The following SUGCT variants were observed in gnomAD, a reference collection of about 807,000 sequenced individuals.
The protein encoded by SUGCT is succinyl-CoA:glutarate-CoA transferase, also known as succinyl-CoA:glutarate CoA-transferase.
Under a neutral mutation model 55.0 loss-of-function variants are expected in SUGCT, and 41 were observed. The ratio of observed to expected loss-of-function variants is 0.74; its 90% CI spans 0.58 to 0.97. The LOEUF (loss-of-function observed/expected upper bound fraction) is 0.97. SUGCT is among the 50% of genes least tolerant of loss of function. SUGCT has a pLI of 0.00. For missense variants in SUGCT, 568 were observed against 547.8 expected, an observed-to-expected ratio of 1.04 and a Z score of -0.37; for synonymous variants, 187 against 200.4, an observed-to-expected ratio of 0.93 and a Z score of 0.56.
At chr7:40,996,843 C>A in the SUGCT span, among the ~76,000 whole-genome samples, 1 of 152,168 alleles carries the variant, frequency 6.6e-6, no homozygotes, top group East Asian at 1.9e-4. Context: ...CCAAACTATT[C>A]TCTGTCATTT....
At chr7:40,233,806 A>T (rs113456868) in intron 6 of SUGCT, among the ~76,000 whole-genome samples, 3,275 of 152,296 alleles carry the variant, frequency 0.022, 101 homozygotes, top group African/African-American at 0.074. Context: ...AATCCTCATA[A>T]GAAATCTATG....
At chr7:40,761,009 A>G (rs1226512397) in intron 13 of SUGCT, among the ~76,000 whole-genome samples, 1 of 152,252 alleles carries the variant, frequency 6.6e-6, no homozygotes. Context: ...CACATCATTA[A>G]TTTTTCAACC....
intron 6 of SUGCT, among the ~76,000 whole-genome samples, chr7:40,198,338 A>G (rs1489553777): frequency 1.3e-5 from 2 of 152,218 alleles, no homozygotes; most frequent in East Asian, 1.9e-4. Context: ...AGACATATCA[A>G]TAAGTAATGA....
chr7:40,736,682 T>C (rs1787180125), intron 12 of SUGCT, among the ~76,000 whole-genome samples: 1 of 151,934 alleles, frequency 6.6e-6, no homozygotes, highest in Admixed American at 6.6e-5. Flanking sequence ...AATGGAATAA[T>C]ATCATCAGTA....
rs1412975289 is a variant in SUGCT, at chr7:40,385,724, C to G, written c.817-63563C>G. Among the ~76,000 whole-genome samples the G allele has an allele frequency of 2.7e-4, 4 of 15,010 alleles. No individual in the cohort carries two copies. In the Non-Finnish European group the frequency reaches 7.8e-3, roughly 29 times the overall value. 9.8% of individuals were successfully genotyped at this position (15,010 alleles called of 152,430 possible). ...AGGTGGTACATAGATGTGTTTCATT[C>G]CTTTCCTCAAATCTGTTTTTGTACT... On this transcript the variant is annotated intron_variant, in intron 9 of 13. Coordinates refer to ENST00000335693, the MANE Select transcript of SUGCT (RefSeq NM_001193313.2).
At chr7:40,305,802 C>A (rs1030123625) in intron 8 of SUGCT, among the ~76,000 whole-genome samples, 7 of 152,068 alleles carry the variant, frequency 4.6e-5, no homozygotes, top group Non-Finnish European at 7.4e-5. Flanking sequence ...GCTAGTTCTA[C>A]AGGTGCACAC....
the SUGCT span, among the ~76,000 whole-genome samples, chr7:40,977,215 G>A: frequency 6.6e-6 from 1 of 152,172 alleles, no homozygotes; most frequent in African/African-American, 2.4e-5. Flanking sequence ...GGCGGCTGCT[G>A]GGAGGGAGAG....
intron 9 of SUGCT, among the ~76,000 whole-genome samples, chr7:40,330,327 A>G (rs1032938945): frequency 1.3e-5 from 2 of 152,184 alleles, no homozygotes; most frequent in African/African-American, 4.8e-5. Flanking sequence ...GAAGGTGAAT[A>G]TAGGGACATT....
intron 9 of SUGCT, among the ~76,000 whole-genome samples, chr7:40,322,114 G>GT (rs913276288): frequency 1.3e-5 from 2 of 152,034 alleles, no homozygotes; most frequent in South Asian, 4.2e-4. Flanking sequence ...TAAGAGCAGT[G>GT]TTTTTTTATA....
chr7:40,972,197 C>T, the SUGCT span, among the ~76,000 whole-genome samples: 1 of 152,126 alleles, frequency 6.6e-6, no homozygotes, highest in African/African-American at 2.4e-5. Flanking sequence ...CATCCCGAAG[C>T]CATTCTAAAT....
intron 9 of SUGCT, among the ~76,000 whole-genome samples, chr7:40,408,791 C>T (rs1366594954): frequency 6.6e-6 from 1 of 152,096 alleles, no homozygotes; most frequent in Non-Finnish European, 1.5e-5. Context: ...AAGTCATTTG[C>T]CCAAAGATAA....
the SUGCT span, among the ~76,000 whole-genome samples, chr7:40,995,380 C>CCGTTATTATTATTATTAT: frequency 3.0e-3 from 134 of 44,144 alleles, no homozygotes; most frequent in African/African-American, 0.017. Context: ...CCTATAATAG[C>CCGTTATTATTATTATTAT]TGTTATTATT....
At chr7:40,785,116 A>G (rs1306625384) in intron 13 of SUGCT, 3 of 152,186 alleles carry the variant, frequency 2.0e-5, no homozygotes, top group African/African-American at 7.2e-5. Flanking sequence ...AATTTTATCA[A>G]TGGAAAACAG....
chr7:40,519,978 G>C (rs1793440918), intron 12 of SUGCT, among the ~76,000 whole-genome samples: 1 of 152,020 alleles, frequency 6.6e-6, no homozygotes, highest in Non-Finnish European at 1.5e-5. Flanking sequence ...CCAATAGCAA[G>C]TGGTTCTGTT....
At chr7:40,214,008 T>C (rs1354772773) in intron 6 of SUGCT, among the ~76,000 whole-genome samples, 1 of 152,178 alleles carries the variant, frequency 6.6e-6, no homozygotes, top group African/African-American at 2.4e-5. Context: ...TAGATAGATA[T>C]TATTATCTCC....
the SUGCT span, among the ~76,000 whole-genome samples, chr7:40,906,137 T>G: frequency 6.6e-6 from 1 of 150,540 alleles, no homozygotes; most frequent in Non-Finnish European, 1.5e-5. Flanking sequence ...TGTTTTTTGT[T>G]TTTTTTTTTG....
At chr7:40,424,464 C>T (rs1787477165) in intron 9 of SUGCT, among the ~76,000 whole-genome samples, 1 of 152,112 alleles carries the variant, frequency 6.6e-6, no homozygotes, top group Non-Finnish European at 1.5e-5. Context: ...GAGTACTTTT[C>T]TTCTGGATCT....
chr7:41,026,670 C>T, the SUGCT span, among the ~76,000 whole-genome samples: 96 of 152,308 alleles, frequency 6.3e-4, no homozygotes, highest in Admixed American at 2.5e-3. Flanking sequence ...AAGTCTTGTA[C>T]GGTCTTTATC....
rs182044146 is a variant in SUGCT at position 40,321,672 on chromosome 7, C to T, written c.816+4817C>T. Among the ~76,000 whole-genome samples, 254 of 152,256 alleles carry T rather than the reference C, an allele frequency of 1.7e-3. 2 individuals carry two copies. In the South Asian group the frequency reaches 0.02, roughly 12 times the overall value. On this transcript the variant is annotated intron_variant, in intron 9 of 13. Coordinates refer to ENST00000335693, the MANE Select transcript of SUGCT (RefSeq NM_001193313.2). Reference sequence around the variant, plus strand: ...TGCTGAGATTCCAGGCGAGAGCCACCGTGCCCAGCCTGACTTGATGTTTCT... The same window carrying T: ...TGCTGAGATTCCAGGCGAGAGCCACTGTGCCCAGCCTGACTTGATGTTTCT...
Sources: gnomAD v4.1 joint callset for allele counts (sites outside exome capture counted in the v4.1 genomes callset) on GRCh38, gnomAD v4.1.1 for gene constraint, MANE v1.5 for transcripts, NCBI Gene and HGNC (gene_info 2026-07-23, HGNC 2026-07-21) for gene names.